FNDC1: variants seen among roughly 807,000 people sequenced by gnomAD.
FNDC1 encodes the protein fibronectin type III domain containing 1, also known as fibronectin type III domain-containing protein 1.
Under a neutral mutation model 168.0 loss-of-function variants are expected in FNDC1, and 96 were observed. The observed-to-expected ratio is 0.57, with a 90% confidence interval of 0.48 to 0.68. The LOEUF (loss-of-function observed/expected upper bound fraction) is 0.68. Ranked by LOEUF, FNDC1 falls within the 30% of genes least tolerant of loss-of-function variation. FNDC1 has a pLI of 0.00. For missense variants in FNDC1, 2,587 were observed against 2,482.1 expected, an observed-to-expected ratio of 1.04 and a Z score of -0.90; for synonymous variants, 1,099 against 1,025.9, an observed-to-expected ratio of 1.07 and a Z score of -1.36.
At chr6:159,179,391 G>A (rs945631248) in intron 1 of FNDC1, among the ~76,000 whole-genome samples, 1 of 152,186 alleles carries the variant, frequency 6.6e-6, no homozygotes, top group South Asian at 2.1e-4. Flanking sequence ...CCCAGGAGGC[G>A]GAGGCTGCAG....
At chr6:159,220,637 C>T (rs912927245) in intron 5 of FNDC1, among the ~76,000 whole-genome samples, 12 of 152,310 alleles carry the variant, frequency 7.9e-5, no homozygotes, top group Admixed American at 5.2e-4. Flanking sequence ...TTACCTGGGT[C>T]TCAGACTTTA....
chr6:159,182,612 A>G (rs372794562), intron 1 of FNDC1, among the ~76,000 whole-genome samples: 6 of 152,216 alleles, frequency 3.9e-5, no homozygotes, highest in Non-Finnish European at 8.8e-5. Context: ...TCATGTGCCA[A>G]TGTAGTGCTT....
At chr6:159,234,993 T>G (rs1202650868) in intron 11 of FNDC1, among the ~76,000 whole-genome samples, 1 of 152,246 alleles carries the variant, frequency 6.6e-6, no homozygotes, top group Non-Finnish European at 1.5e-5. Flanking sequence ...GTTCTCATCT[T>G]CTGCATGCAA....
chr6:159,243,505 C>A lies in FNDC1; in HGVS notation c.4622-3396C>A, dbSNP rs544561601. On this transcript the variant is annotated intron_variant, in intron 14 of 22. Coordinates refer to ENST00000297267, the MANE Select transcript of FNDC1 (RefSeq NM_032532.3). The stretch of plus-strand genomic sequence containing the variant: ...TTTTGTAATATCTCTGGAGCAAAAG[C>A]CTTACTTCTTTGGTGACATTTTTCA... 2.0e-5 allele frequency among the ~76,000 whole-genome samples: 3 copies of A among 152,230 alleles called. No homozygotes were observed. The East Asian group carries it at 5.8e-4, about 29-fold the overall frequency.
At position 159,200,587 on chromosome 6, in the gene FNDC1, A is replaced by T; in HGVS notation, c.460+6A>T. 2 of 1,582,468 alleles carry T rather than the reference A, an allele frequency of 1.3e-6. No homozygotes were observed. The highest frequency in any genetic ancestry group is 1.7e-6 in the Non-Finnish European group (2 of 1,161,688). On this transcript the variant is annotated splice_donor_region_variant and intron_variant, in intron 4 of 22. Transcript: ENST00000297267. ...ATTTAATGAAACCGTCACAGGTACT[A>T]CTTCCTCCTTCATGTCAGATTCATG...
chr6:159,195,216 T>G (rs1468769275), intron 1 of FNDC1, among the ~76,000 whole-genome samples: 1 of 152,124 alleles, frequency 6.6e-6, no homozygotes, highest in Non-Finnish European at 1.5e-5. Flanking sequence ...GCTTAAATTG[T>G]CACCATTAGA....
chr6:159,181,235 A>G (rs1045012091), intron 1 of FNDC1, among the ~76,000 whole-genome samples: 1 of 152,162 alleles, frequency 6.6e-6, no homozygotes, highest in Non-Finnish European at 1.5e-5. Context: ...ATGATCAGTG[A>G]TGATTCCTTT....
chr6:159,199,999 C>T lies in FNDC1; in HGVS notation c.308C>T (p.Pro103Leu), dbSNP rs530449354. The T allele has an allele frequency of 2.4e-5, 38 of 1,603,134 alleles. No homozygotes were observed. In the Admixed American group the frequency reaches 2.7e-4, roughly 11 times the overall value. The change falls in exon 3 of 23, where the codon CCG (proline) becomes CTG (leucine). Residue 103 changes from proline to leucine, a missense_variant. Pro to Leu is a moderately conservative substitution (Grantham distance 98). Coordinates refer to ENST00000297267, the MANE Select transcript of FNDC1 (RefSeq NM_032532.3). ...TYSFLIEDVE[P>L]GVVYFVLLTA... ...TGATATGAACCGTATGTTTCAGAGCCGGGGGTAGTGTACTTTGTGCTGCTT... is the reference window on the plus strand; with the variant it reads ...TGATATGAACCGTATGTTTCAGAGCTGGGGGTAGTGTACTTTGTGCTGCTT...
intron 19 of FNDC1, 52 bp from the exon 20 acceptor site, chr6:159,264,923 G>T: frequency 6.7e-7 from 1 of 1,495,802 alleles, no homozygotes; most frequent in Non-Finnish European, 9.1e-7. Context: ...TTAAAGAATT[G>T]CATGATTGTG....
At chr6:159,270,366 C>A (rs1777716824) in intron 22 of FNDC1, among the ~76,000 whole-genome samples, 1 of 152,174 alleles carries the variant, frequency 6.6e-6, no homozygotes, top group African/African-American at 2.4e-5. Flanking sequence ...AGATATATAG[C>A]CTAGTCCAGT....
rs1421088543 is a variant in FNDC1 at position 159,208,979 on chromosome 6, C to G, written c.461-5966C>G. On this transcript the variant is annotated intron_variant, in intron 4 of 22. Coordinates refer to ENST00000297267, the MANE Select transcript of FNDC1 (RefSeq NM_032532.3). ...TCTCTTGCCTCAGCCTCCTGAGTAG[C>G]TGGGATTACAGGTGCATGCCACCAC... Among the ~76,000 whole-genome samples, 5 of 151,498 alleles carry G rather than the reference C, an allele frequency of 3.3e-5. No individual in the cohort carries two copies. In the South Asian group the frequency reaches 1.0e-3, roughly 32 times the overall value.
At chr6:159,260,052 A>G (rs937182563) in intron 18 of FNDC1, among the ~76,000 whole-genome samples, 3 of 152,240 alleles carry the variant, frequency 2.0e-5, no homozygotes, top group Non-Finnish European at 4.4e-5. Flanking sequence ...TAATTAGTAC[A>G]TGGAATTTGT....
chr6:159,245,158 C>T (rs1783512876), intron 14 of FNDC1, among the ~76,000 whole-genome samples: 1 of 152,084 alleles, frequency 6.6e-6, no homozygotes, highest in East Asian at 1.9e-4. Context: ...GAAACTGCCC[C>T]CATAATCCAA....
At chr6:159,267,404 C>CTAGT (rs1777613912) in intron 21 of FNDC1, among the ~76,000 whole-genome samples, 1 of 152,172 alleles carries the variant, frequency 6.6e-6, no homozygotes, top group Admixed American at 6.5e-5. Flanking sequence ...CCGCCCCCTC[C>CTAGT]TAGTTACACA....
At chr6:159,171,715 A>C (rs1208950822) in intron 1 of FNDC1, among the ~76,000 whole-genome samples, 1 of 152,212 alleles carries the variant, frequency 6.6e-6, no homozygotes, top group South Asian at 2.1e-4. Flanking sequence ...GATACTATGC[A>C]AACATTAAAA....
At chr6:159,257,927 G>A (rs1212275385) in intron 18 of FNDC1, among the ~76,000 whole-genome samples, 1 of 133,712 alleles carries the variant, frequency 7.5e-6, no homozygotes, top group Non-Finnish European at 1.5e-5. Flanking sequence ...TTTTTTTGGC[G>A]AGTGCAGAGT....
At chr6:159,190,506 C>G (rs1483220766) in intron 1 of FNDC1, among the ~76,000 whole-genome samples, 4 of 152,220 alleles carry the variant, frequency 2.6e-5, no homozygotes, top group African/African-American at 9.6e-5. Flanking sequence ...GCCGGTTGCT[C>G]TCTGTCCACA....
intron 10 of FNDC1, 125 bp from the exon 11 acceptor site, chr6:159,231,757 A>G: frequency 1.4e-6 from 1 of 715,004 alleles, no homozygotes; most frequent in Admixed American, 3.2e-5. Flanking sequence ...CTAAGGAATT[A>G]GAAGTTAGCC....
At position 159,169,729 on chromosome 6, in the gene FNDC1, G is replaced by A; in HGVS notation, c.109+24G>A. On this transcript the variant is annotated intron_variant, in intron 1 of 22. Transcript: ENST00000297267. This position sits in a 1 kb window ranked among gnomAD's most constrained non-coding sequence, Gnocchi z 6.8. The stretch of plus-strand genomic sequence containing the variant: ...AGGTACGCGCCGCGCCCGGGCCCCC[G>A]GCGCTCCTCAGCTCCCCGCGCACCC... 1 of 1,006,632 alleles carries A rather than the reference G, an allele frequency of 9.9e-7. No individual in the cohort carries two copies. Among genetic ancestry groups the A allele is most frequent in the Non-Finnish European group, 1.2e-6 (1 of 806,354 alleles). 62.4% of individuals were successfully genotyped at this position (1,006,632 alleles called of 1,614,324 possible).
Sources: allele counts gnomAD v4.1 joint callset (sites outside exome capture counted in the v4.1 genomes callset), GRCh38; gene constraint gnomAD v4.1.1; non-coding constraint Gnocchi (gnomAD v3.1); transcripts MANE v1.5; gene names NCBI Gene and HGNC (gene_info 2026-07-23, HGNC 2026-07-21).